Variants in NNT observed in about 807,000 individuals in gnomAD.
NNT encodes the protein NAD(P) transhydrogenase, mitochondrial.
Under a neutral mutation model 104.8 loss-of-function variants are expected in NNT, and 50 were observed. The observed-to-expected ratio is 0.48, with a 90% confidence interval of 0.38 to 0.60. NNT has a LOEUF of 0.60. Among genes scored for constraint, NNT ranks in the 20% least tolerant of loss-of-function variants. The pLI, the probability that NNT is intolerant of heterozygous loss-of-function variation, is 0.00. For missense variants in NNT, 1,131 were observed against 1,330.7 expected (o/e 0.85, Z 2.33); for synonymous variants, 461 against 490.4 (o/e 0.94, Z 0.79).
At chr5:43,613,230 CT>C in intron 3 of NNT, 93 bp downstream of exon 3, 3 of 958,732 alleles carry the variant, frequency 3.1e-6, no homozygotes, top group African/African-American at 1.7e-5. Context: ...GGAGTTACAC[CT>C]TTTCCTATTT....
chr5:43,623,399 T>C (rs1267622759), intron 5 of NNT, among the ~76,000 whole-genome samples: 1 of 152,198 alleles, frequency 6.6e-6, no homozygotes, highest in Non-Finnish European at 1.5e-5. Flanking sequence ...GAGACTTGTT[T>C]CTGAGGAATT....
chr5:43,654,206 T>C (rs1321159869), intron 14 of NNT, among the ~76,000 whole-genome samples: 1 of 152,212 alleles, frequency 6.6e-6, no homozygotes, highest in Non-Finnish European at 1.5e-5. Context: ...CAATTCTACA[T>C]TCAATGACAT....
At chr5:43,617,268 T>C (rs1749840160) in intron 4 of NNT, among the ~76,000 whole-genome samples, 1 of 152,216 alleles carries the variant, frequency 6.6e-6, no homozygotes, top group East Asian at 1.9e-4. Flanking sequence ...CTGTTGAATC[T>C]TTTGAGCAAA....
intron 2 of NNT, among the ~76,000 whole-genome samples, chr5:43,612,407 C>T (rs1270443249): frequency 1.3e-5 from 2 of 152,222 alleles, no homozygotes; most frequent in African/African-American, 4.8e-5. Flanking sequence ...TAAGATACAA[C>T]ACTTAGAAAT....
intron 13 of NNT, 33 bp downstream of exon 13, chr5:43,651,917 C>T: frequency 1.3e-6 from 2 of 1,598,594 alleles, no homozygotes. Flanking sequence ...TTATATTTAC[C>T]ACAATATTTT....
At position 43,639,495 on chromosome 5, in the gene NNT, T is replaced by A. The variant is rs1751107058; in HGVS notation, c.965-4697T>A. Among the ~76,000 whole-genome samples, 2 of 152,182 alleles carry A rather than the reference T, an allele frequency of 1.3e-5. 1 individual carries two copies. Among genetic ancestry groups the A allele is most frequent in the Non-Finnish European group, 2.9e-5 (2 of 68,026 alleles). ...GGAAACTATAATTCAAATTTTTACA[T>A]GAGTGCTTTAAATATCCAACTCTTC... On this transcript the variant is annotated intron_variant, in intron 7 of 21. Coordinates refer to ENST00000344920, the MANE Select transcript of NNT (RefSeq NM_182977.3).
chr5:43,655,958 T>A lies in NNT; in HGVS notation c.2178T>A (p.Tyr726Ter). 6.2e-7 allele frequency: 1 copy of A among 1,614,182 alleles called. No homozygotes were observed. Among genetic ancestry groups the A allele is most frequent in the East Asian group, 2.2e-5 (1 of 44,882 alleles). The change falls in exon 15 of 22, where the codon TAT becomes TAA. Residue 726 changes from tyrosine to a stop codon, truncating the protein, a stop_gained. Transcript: ENST00000344920. LOFTEE classifies it high-confidence loss of function. ...LTCIAEYIIE[Y>*]PHFATDAAAN... The stretch of plus-strand genomic sequence containing the variant: ...GCATAGCTGAGTACATTATAGAATA[T>A]CCACATTTTGCTACGGATGCAGCAG...
At chr5:43,687,064 T>C (rs1742026847) in intron 19 of NNT, among the ~76,000 whole-genome samples, 1 of 152,152 alleles carries the variant, frequency 6.6e-6, no homozygotes, top group Admixed American at 6.5e-5. Flanking sequence ...CTTCTCTCTC[T>C]TGAATGGAGT....
chr5:43,632,931 T>C (rs997978062), intron 7 of NNT, among the ~76,000 whole-genome samples: 2 of 150,922 alleles, frequency 1.3e-5, no homozygotes, highest in African/African-American at 4.9e-5. Flanking sequence ...GGGAGGGGAG[T>C]ATGGTGTGGG....
chr5:43,624,715 A>G (rs1750274986), intron 6 of NNT, among the ~76,000 whole-genome samples: 1 of 152,238 alleles, frequency 6.6e-6, no homozygotes, highest in Non-Finnish European at 1.5e-5. Flanking sequence ...TTGTCTTTAA[A>G]GAGAAGTTTG....
chr5:43,682,228 T>TTTG (rs1741757783), intron 19 of NNT, among the ~76,000 whole-genome samples: 1 of 149,906 alleles, frequency 6.7e-6, no homozygotes, highest in Non-Finnish European at 1.5e-5. Flanking sequence ...TTTTTTTTTT[T>TTTG]TTGTTGGAAT....
rs776740913 is a variant in NNT, at chr5:43,655,894, C to CT, written c.2118dup (p.His707SerfsTer15). The CT allele has an allele frequency of 6.2e-7, 1 of 1,614,222 alleles. No homozygotes were observed. Among genetic ancestry groups the CT allele is most frequent in the Non-Finnish European group, 8.5e-7 (1 of 1,180,036 alleles). On this transcript the variant is annotated frameshift_variant, in exon 15 of 22. Transcript: ENST00000344920. LOFTEE classifies it high-confidence loss of function. Reference sequence around the variant, plus strand: ...TCTGATTTACCTCAATTAGTTGCTGCTTTTCACAGTTTAGTGGGTTTGGCA... The same window carrying CT: ...TCTGATTTACCTCAATTAGTTGCTGCTTTTTCACAGTTTAGTGGGTTTGGCA...
At chr5:43,702,470 G>A (rs965188186) in intron 20 of NNT, 151 bp from the exon 21 acceptor site, 1 of 519,986 alleles carries the variant, frequency 1.9e-6, no homozygotes, top group African/African-American at 2.0e-5. Context: ...TAACCTCTCT[G>A]ATAAAGTTCT....
chr5:43,630,708 G>A (rs1418640820), intron 7 of NNT, among the ~76,000 whole-genome samples: 1 of 152,192 alleles, frequency 6.6e-6, no homozygotes, highest in Non-Finnish European at 1.5e-5. Context: ...ATTTGGGAGT[G>A]AAGAAACTGT....
At chr5:43,654,113 T>C (rs1445809896) in intron 14 of NNT, among the ~76,000 whole-genome samples, 2 of 152,234 alleles carry the variant, frequency 1.3e-5, no homozygotes, top group African/African-American at 4.8e-5. Flanking sequence ...GGTTTTATTG[T>C]CTATGCTCTT....
At chr5:43,604,495 G>A (rs1323438490) in intron 1 of NNT, among the ~76,000 whole-genome samples, 2 of 152,074 alleles carry the variant, frequency 1.3e-5, no homozygotes, top group African/African-American at 2.4e-5. Context: ...GAAATTTTCC[G>A]AAAATCCTTG....
intron 3 of NNT, among the ~76,000 whole-genome samples, chr5:43,613,819 A>G (rs1036775939): frequency 6.6e-6 from 1 of 152,200 alleles, no homozygotes; most frequent in Non-Finnish European, 1.5e-5. Context: ...GCAAACAGGG[A>G]AGTAACTCAT....
intron 17 of NNT, among the ~76,000 whole-genome samples, chr5:43,669,876 C>G (rs947615023): frequency 5.3e-5 from 8 of 152,032 alleles, no homozygotes; most frequent in African/African-American, 1.7e-4. Context: ...CTTCTTGTAC[C>G]TCTGGTAGAA....
chr5:43,684,438 T>C (rs930584569), intron 19 of NNT, among the ~76,000 whole-genome samples: 2 of 152,180 alleles, frequency 1.3e-5, no homozygotes, highest in African/African-American at 4.8e-5. Context: ...AGAAGGATTT[T>C]GGTGGTTTTA....
Sources: gnomAD v4.1 joint callset for allele counts (sites outside exome capture counted in the v4.1 genomes callset) on GRCh38, gnomAD v4.1.1 for gene constraint, MANE v1.5 for transcripts, NCBI Gene and HGNC (gene_info 2026-07-23, HGNC 2026-07-21) for gene names.